KCNG3: variants seen among roughly 807,000 people sequenced by gnomAD.
KCNG3 encodes the protein potassium voltage-gated channel modifier subfamily G member 3.
A neutral mutation model predicts 29.0 loss-of-function variants in KCNG3; 15 were observed. The observed-to-expected ratio is 0.52, with a 90% CI of 0.35 to 0.80. The LOEUF (loss-of-function observed/expected upper bound fraction) is 0.80, where lower values mean the gene tolerates loss of function less well. Among genes scored for constraint, KCNG3 ranks in the 30% least tolerant of loss-of-function variants. The pLI is 0.01. For synonymous variants in KCNG3, 322 were observed against 248.9 expected (o/e 1.29, Z -2.76); for missense variants, 512 against 605.7 (o/e 0.85, Z 1.62).
chr2:42,493,119 GAGT>G lies in KCNG3; in HGVS notation c.380_382del (p.Tyr127del), dbSNP rs748326269. The G allele has an allele frequency of 6.3e-7, 1 of 1,598,280 alleles. No homozygotes were observed. The highest frequency in any genetic ancestry group is 1.1e-5 in the South Asian group (1 of 90,024). Reference sequence around the variant, plus strand: ...GCCCAGCACGCCCGGCTCGTCGGCCGAGTAGAAGGTGTAGGTGTCGGACATGCG... The same window carrying G: ...GCCCAGCACGCCCGGCTCGTCGGCCGAGAAGGTGTAGGTGTCGGACATGCG... On this transcript the variant is annotated inframe_deletion, in exon 1 of 2. Coordinates refer to ENST00000306078, the MANE Select transcript of KCNG3 (RefSeq NM_133329.6).
chr2:42,466,725 T>C (rs906496390), intron 1 of KCNG3, among the ~76,000 whole-genome samples: 3 of 151,514 alleles, frequency 2.0e-5, no homozygotes, highest in Non-Finnish European at 2.9e-5. Flanking sequence ...GCCATAGGAA[T>C]TAGTGGCAAA....
chr2:42,479,562 C>A (rs1456046902), intron 1 of KCNG3, among the ~76,000 whole-genome samples: 2 of 151,106 alleles, frequency 1.3e-5, no homozygotes, highest in Admixed American at 1.3e-4. Flanking sequence ...AGGAGGGTCG[C>A]TTGAGCTCAG....
At chr2:42,471,903 A>G (rs1205377007) in intron 1 of KCNG3, among the ~76,000 whole-genome samples, 1 of 150,170 alleles carries the variant, frequency 6.7e-6, no homozygotes, top group East Asian at 1.9e-4. Flanking sequence ...AAAAAAAAAA[A>G]GAAAGAAAAA....
At chr2:42,449,964 C>A (rs1234718643) in intron 1 of KCNG3, among the ~76,000 whole-genome samples, 1 of 152,182 alleles carries the variant, frequency 6.6e-6, no homozygotes, top group African/African-American at 2.4e-5. Context: ...AACTTGACAT[C>A]AGAGGCTCTG....
chr2:42,466,612 A>G (rs1417587657), intron 1 of KCNG3, among the ~76,000 whole-genome samples: 1 of 152,088 alleles, frequency 6.6e-6, no homozygotes, highest in Non-Finnish European at 1.5e-5. Context: ...TCACAGAGCA[A>G]AGAAATCTCC....
chr2:42,431,641 G>A, the KCNG3 span, among the ~76,000 whole-genome samples: 1 of 152,188 alleles, frequency 6.6e-6, no homozygotes, highest in Non-Finnish European at 1.5e-5. Flanking sequence ...AGGAAATGTT[G>A]CTTGCAGATA....
intron 1 of KCNG3, among the ~76,000 whole-genome samples, chr2:42,448,841 A>C (rs1159753078): frequency 2.0e-5 from 3 of 151,980 alleles, no homozygotes; most frequent in Non-Finnish European, 4.4e-5. Context: ...AGCCGGGCGC[A>C]GTGGCGGGTG....
In KCNG3 at chr2:42,492,865, A is replaced by G. The variant is rs1673935431; in HGVS notation, c.637T>C (p.Ser213Pro). The G allele has an allele frequency of 6.6e-7, 1 of 1,515,694 alleles. No homozygotes were observed. The highest frequency in any genetic ancestry group is 8.8e-7 in the Non-Finnish European group (1 of 1,136,804). The allele number at this position is 1,515,694 out of a possible 1,614,324, so 93.9% of individuals were successfully genotyped here. The part of the protein sequence containing the change: ...NRSLDDRSRY[S>P]AGPGREPSGI... ...GAGGGCTCCCTCCCAGGGCCGGCGG[A>G]GTACCTGCTCCGGTCATCCAGGCTG... The change falls in exon 1 of 2, where the codon TCC (serine) becomes CCC (proline). Residue 213 changes from serine (S) to proline (P), a missense_variant. Ser to Pro is a moderately conservative substitution (Grantham distance 74, BLOSUM62 -1). Around this residue, in one of 5 missense-constraint regions of KCNG3, gnomAD observed 228 missense variants for 200.0 expected, o/e 1.14. Transcript: ENST00000306078.
chr2:42,394,825 C>T, the KCNG3 span, among the ~76,000 whole-genome samples: 7 of 152,250 alleles, frequency 4.6e-5, no homozygotes, highest in East Asian at 3.8e-4. Flanking sequence ...CACCGGCACA[C>T]GTCCTCAACC....
In KCNG3 at chr2:42,488,168, G is replaced by C. The variant is rs557814676; in HGVS notation, c.665+4669C>G. Among the ~76,000 whole-genome samples the C allele has an allele frequency of 5.8e-4, 88 of 152,134 alleles. 1 individual carries two copies. Among genetic ancestry groups the C allele is most frequent in the Non-Finnish European group, 1.1e-3 (72 of 68,020 alleles). ...TTTAGATTTTGAACCGTTTTTATAT[G>C]ATTATTAACCATCTAAAACAAATCA... On this transcript the variant is annotated intron_variant, in intron 1 of 1. Transcript: ENST00000306078.
intron 1 of KCNG3, among the ~76,000 whole-genome samples, chr2:42,451,368 A>G (rs1465291308): frequency 6.6e-6 from 1 of 152,068 alleles, no homozygotes; most frequent in Non-Finnish European, 1.5e-5. Flanking sequence ...GCTTGAGCCC[A>G]GGAGTACAAG....
chr2:42,388,784 T>C, the KCNG3 span: 3 of 152,330 alleles, frequency 2.0e-5, no homozygotes, highest in Non-Finnish European at 4.4e-5. Flanking sequence ...CACAATTCAG[T>C]CTATGGCACC....
chr2:42,391,049 T>C, the KCNG3 span, among the ~76,000 whole-genome samples: 1 of 152,184 alleles, frequency 6.6e-6, no homozygotes, highest in African/African-American at 2.4e-5. Flanking sequence ...GGAAGGACTC[T>C]TCTGGAGAGC....
chr2:42,444,028 G>A lies in KCNG3; in HGVS notation c.1217C>T (p.Thr406Ile). The change falls in exon 2 of 2, where the codon ACT becomes ATT. Residue 406 changes from threonine to isoleucine, a missense_variant. Physicochemically the swap from Thr to Ile is moderately conservative, Grantham distance 89. This residue lies in a region of KCNG3 where 173 missense variants were observed against 262.4 expected (regional missense o/e 0.66). Transcript: ENST00000306078. The surrounding 1 kb of genome is among the most constrained non-coding windows in gnomAD (Gnocchi z 5.8). ...CTGCACAAAGCTATGGTAGATAAAA[G>A]TGATAGGTAATGCCAATAGAACAAT... is the stretch of plus-strand genomic sequence containing the variant. The part of the protein sequence containing the change: ...SGIVLLALPI[T>I]FIYHSFVQCY... The A allele has an allele frequency of 6.2e-7, 1 of 1,614,186 alleles. No individual in the cohort carries two copies. The highest frequency in any genetic ancestry group is 8.5e-7 in the Non-Finnish European group (1 of 1,180,024).
intron 1 of KCNG3, chr2:42,470,217 C>A: frequency 2.4e-6 from 1 of 419,242 alleles, no homozygotes; most frequent in South Asian, 2.7e-5. Flanking sequence ...CGAGTCCTCC[C>A]TCCCAATTGG....
intron 1 of KCNG3, among the ~76,000 whole-genome samples, chr2:42,477,385 AT>A (rs111689562): frequency 0.38 from 16,129 of 42,410 alleles, 1,447 homozygotes; most frequent in South Asian, 0.49. Context: ...ACACACATAT[AT>A]ATACACACAC....
intron 1 of KCNG3, among the ~76,000 whole-genome samples, chr2:42,473,003 G>A (rs1331172944): frequency 1.4e-5 from 2 of 147,492 alleles, no homozygotes; most frequent in Admixed American, 6.8e-5. Context: ...CCAGGTTCAC[G>A]CTATTCTCCT....
chr2:42,427,670 T>C, the KCNG3 span, among the ~76,000 whole-genome samples: 1 of 152,088 alleles, frequency 6.6e-6, no homozygotes, highest in African/African-American at 2.4e-5. Context: ...GTTGAATGCA[T>C]AAGATATTTT....
chr2:42,470,377 G>A (rs1431163732), intron 1 of KCNG3: 1 of 218,386 alleles, frequency 4.6e-6, no homozygotes, highest in Non-Finnish European at 9.0e-6. Flanking sequence ...GCCACAGTCA[G>A]AAAGATATTT....
Sources: gnomAD v4.1 joint callset for allele counts (sites outside exome capture counted in the v4.1 genomes callset) on GRCh38, gnomAD v4.1.1 for gene constraint, gnomAD v4.1.1 regional missense constraint, Gnocchi (gnomAD v3.1) non-coding constraint, MANE v1.5 for transcripts, NCBI Gene and HGNC (gene_info 2026-07-23, HGNC 2026-07-21) for gene names.